Variants in ZC3H11A observed in about 807,000 individuals in gnomAD.
ZC3H11A encodes zinc finger CCCH domain-containing protein 11A.
In ZC3H11A, 22 loss-of-function variants were observed where a neutral mutation model predicts 90.8. The observed-to-expected ratio is 0.24, with a 90% CI of 0.17 to 0.35. The LOEUF (loss-of-function observed/expected upper bound fraction) is 0.35. Ranked by LOEUF, ZC3H11A falls within the 10% of genes least tolerant of loss-of-function variation. The pLI is 1.00. For synonymous variants in ZC3H11A, 294 were observed against 339.8 expected (o/e 0.87, Z 1.48); for missense variants, 701 against 964.9 (o/e 0.73, Z 3.62).
chr1:203,800,519 G>A (rs1670241020), intron 1 of ZC3H11A: 3 of 1,401,714 alleles, frequency 2.1e-6, no homozygotes, highest in Non-Finnish European at 2.8e-6. Context: ...TATCTTAATA[G>A]CTGTAGTTGT....
chr1:203,799,594 T>C lies in ZC3H11A; in HGVS notation c.-1587-1981T>C, dbSNP rs1158399218. 7 of 703,006 alleles carry C rather than the reference T, an allele frequency of 1.0e-5. No individual in the cohort carries two copies. The Admixed American group carries it at 1.2e-4, about 12-fold the overall frequency. 43.5% of individuals were successfully genotyped at this position (703,006 alleles called of 1,614,324 possible). ...ACTCTAATGACTTATGTTTGTGATA[T>C]TCTTAAGCCATTTGAGGAGGCTACC... is the stretch of plus-strand genomic sequence containing the variant. On this transcript the variant is annotated intron_variant, in intron 1 of 17. Transcript: ENST00000367210.
chr1:203,830,475 T>C (rs1681884430), intron 8 of ZC3H11A, among the ~76,000 whole-genome samples: 1 of 152,314 alleles, frequency 6.6e-6, no homozygotes, highest in African/African-American at 2.4e-5. Context: ...ATAAGAACTA[T>C]ATTAATTCTG....
chr1:203,818,257 T>A (rs1677036438), intron 3 of ZC3H11A, among the ~76,000 whole-genome samples: 1 of 149,854 alleles, frequency 6.7e-6, no homozygotes, highest in East Asian at 1.9e-4. Flanking sequence ...CAAGGCGAGA[T>A]GTCAGTTTTG....
chr1:203,819,977 C>T (rs181236308), intron 4 of ZC3H11A, among the ~76,000 whole-genome samples: 6 of 151,598 alleles, frequency 4.0e-5, no homozygotes, highest in East Asian at 3.9e-4. Flanking sequence ...TGGCTCACGC[C>T]TGTAATCCCA....
chr1:203,820,821 T>G (rs1678387663), intron 4 of ZC3H11A, among the ~76,000 whole-genome samples: 1 of 152,120 alleles, frequency 6.6e-6, no homozygotes, highest in Non-Finnish European at 1.5e-5. Context: ...ACAGTTTTAA[T>G]TTTCTCATTA....
At chr1:203,831,502 C>T (rs780944246) in intron 8 of ZC3H11A, among the ~76,000 whole-genome samples, 159 bp from the exon 9 acceptor site, 1 of 152,194 alleles carries the variant, frequency 6.6e-6, no homozygotes, top group Admixed American at 6.5e-5. Context: ...CACCACTACT[C>T]CATTTGACTG....
chr1:203,834,444 G>C (rs911617218), intron 10 of ZC3H11A, among the ~76,000 whole-genome samples: 1 of 151,702 alleles, frequency 6.6e-6, no homozygotes, highest in Admixed American at 6.6e-5. Context: ...GCTAATTTTT[G>C]TATTTTTTAT....
Position 203,847,198 on chromosome 1 carries a change from G to A in ZC3H11A, c.1057G>A (p.Val353Ile). 6.2e-7 allele frequency: 1 copy of A among 1,612,864 alleles called. No homozygotes were observed. The highest frequency in any genetic ancestry group is 1.7e-5 in the Admixed American group (1 of 59,752). ...NEDATDKVNK[V>I]GEIHVKTLEE... ...TGTGAAAACAGATAAAGTTAATAAA[G>A]TTGGTGAGATCCATGTGAAGACATT... Residue 353 changes from valine (V) to isoleucine (I), a missense_variant, in exon 13 of 18, where the codon GTT (valine) becomes ATT (isoleucine). Val to Ile is a conservative substitution (Grantham distance 29). Transcript: ENST00000367210.
chr1:203,821,881 C>G (rs918423881), intron 4 of ZC3H11A, among the ~76,000 whole-genome samples: 1 of 151,968 alleles, frequency 6.6e-6, no homozygotes, highest in South Asian at 2.1e-4. Flanking sequence ...TTTCAGTCTC[C>G]CGAGTAGCTG....
chr1:203,831,925 C>T (rs1399855756), intron 9 of ZC3H11A, among the ~76,000 whole-genome samples, 154 bp downstream of exon 9: 1 of 152,180 alleles, frequency 6.6e-6, no homozygotes, highest in Non-Finnish European at 1.5e-5. Context: ...GTACATTCAA[C>T]TCTAATATTT....
intron 3 of ZC3H11A, among the ~76,000 whole-genome samples, chr1:203,817,515 A>C (rs1676751983): frequency 6.8e-6 from 1 of 147,278 alleles, no homozygotes; most frequent in Non-Finnish European, 1.5e-5. Context: ...AGAAACTGTC[A>C]TGGGTTGAAT....
chr1:203,817,221 A>T lies in ZC3H11A; in HGVS notation c.54+97A>T. The T allele has an allele frequency of 4.9e-6, 5 of 1,012,958 alleles. No homozygotes were observed. The South Asian group carries it at 1.1e-4, about 22-fold the overall frequency. The allele number at this position is 1,012,958 out of a possible 1,614,324, so 62.7% of individuals were successfully genotyped here. On this transcript the variant is annotated intron_variant, in intron 3 of 17. Transcript: ENST00000367210. ...ATTTTAAGTTGTTTTTATTATATATATATTTTTTGCCCAACTTTATTATTG... is the reference window on the plus strand; with the variant it reads ...ATTTTAAGTTGTTTTTATTATATATTTATTTTTTGCCCAACTTTATTATTG...
chr1:203,851,236 A>G, intron 17 of ZC3H11A, 112 bp downstream of exon 17: 1 of 949,186 alleles, frequency 1.1e-6, no homozygotes, highest in East Asian at 2.6e-5. Context: ...AATCTGTTGC[A>G]CTTCAAATTA....
At chr1:203,821,268 T>C (rs1678587374) in intron 4 of ZC3H11A, among the ~76,000 whole-genome samples, 1 of 152,180 alleles carries the variant, frequency 6.6e-6, no homozygotes. Context: ...ATTATAAGTT[T>C]CCTGAAGCCT....
intron 12 of ZC3H11A, among the ~76,000 whole-genome samples, chr1:203,846,115 CAAAAAAAAAAAA>C (rs34793133): frequency 1.9e-5 from 1 of 53,182 alleles, no homozygotes. Flanking sequence ...TCGTCTTTAC[CAAAAAAAAAAAA>C]AAAAAAAAGA....
intron 2 of ZC3H11A, among the ~76,000 whole-genome samples, chr1:203,808,378 TAC>T (rs1673096149): frequency 6.6e-6 from 1 of 152,216 alleles, no homozygotes; most frequent in African/African-American, 2.4e-5. Flanking sequence ...ATTTTGTCTT[TAC>T]CATTGGAATT....
At chr1:203,825,012 G>A (rs1289215700) in intron 4 of ZC3H11A, among the ~76,000 whole-genome samples, 1 of 150,234 alleles carries the variant, frequency 6.7e-6, no homozygotes, top group Non-Finnish European at 1.5e-5. Flanking sequence ...TGGAGGTGGA[G>A]GTTTCAGTGA....
chr1:203,849,991 A>T lies in ZC3H11A; in HGVS notation c.1904A>T (p.Lys635Ile). 1 of 1,614,014 alleles carries T rather than the reference A, an allele frequency of 6.2e-7. No homozygotes were observed. Among genetic ancestry groups the T allele is most frequent in the Non-Finnish European group, 8.5e-7 (1 of 1,180,000 alleles). The stretch of plus-strand genomic sequence containing the variant: ...ATTGGAGACTCATTATTGAATGTGA[A>T]ATGTGCAGCACAGACCTTGGAAAAA... ...SGIGDSLLNV[K>I]CAAQTLEKRG... The change falls in exon 15 of 18, where the codon AAA (lysine) becomes ATA (isoleucine). Residue 635 changes from lysine (K) to isoleucine (I), a missense_variant. Around this residue, in one of 4 missense-constraint regions of ZC3H11A, gnomAD observed 530 missense variants for 696.2 expected, o/e 0.76. Transcript: ENST00000367210.
chr1:203,805,907 C>G (rs2102519032), intron 2 of ZC3H11A: 1 of 687,518 alleles, frequency 1.5e-6, no homozygotes, highest in Non-Finnish European at 2.7e-6. Context: ...TCAGTTTTCA[C>G]TTGCTTGTCT....
Sources: gnomAD v4.1 joint callset for allele counts (sites outside exome capture counted in the v4.1 genomes callset) on GRCh38, gnomAD v4.1.1 for gene constraint, gnomAD v4.1.1 regional missense constraint, MANE v1.5 for transcripts, NCBI Gene and HGNC (gene_info 2026-07-23, HGNC 2026-07-21) for gene names.